NAALADL2: variants seen among roughly 807,000 people sequenced by gnomAD.
NAALADL2 encodes the protein N-acetylated alpha-linked acidic dipeptidase like 2.
Under a neutral mutation model 87.2 loss-of-function variants are expected in NAALADL2, and 76 were observed. The observed-to-expected ratio is 0.87, with a 90% CI of 0.72 to 1.05. The LOEUF (loss-of-function observed/expected upper bound fraction) is 1.05. NAALADL2 is among the 50% of genes least tolerant of loss of function. NAALADL2 has a pLI of 0.00. For synonymous variants in NAALADL2, 354 were observed against 331.0 expected, an observed-to-expected ratio of 1.07 and a Z score of -0.75; for missense variants, 1,089 against 945.8, an observed-to-expected ratio of 1.15 and a Z score of -1.99.
intron 2 of NAALADL2, among the ~76,000 whole-genome samples, chr3:174,700,232 T>C (rs1473552658): frequency 6.6e-6 from 1 of 150,558 alleles, no homozygotes; most frequent in Non-Finnish European, 1.5e-5. Flanking sequence ...TGCCACAGTT[T>C]TTTTTTTTTT....
intron 3 of NAALADL2, among the ~76,000 whole-genome samples, chr3:174,828,727 G>A (rs1260480700): frequency 6.6e-6 from 1 of 152,118 alleles, no homozygotes; most frequent in Admixed American, 6.6e-5. Flanking sequence ...CATCGCTCCT[G>A]AATTTACATG....
chr3:174,631,626 A>T (rs1038646725), intron 2 of NAALADL2, among the ~76,000 whole-genome samples: 3 of 152,236 alleles, frequency 2.0e-5, no homozygotes, highest in Non-Finnish European at 4.4e-5. Flanking sequence ...AGAAATATAG[A>T]AAAACATAAA....
chr3:175,005,129 GC>G (rs1748840420), intron 1 of NAALADL2, among the ~76,000 whole-genome samples: 1 of 152,100 alleles, frequency 6.6e-6, no homozygotes, highest in African/African-American at 2.4e-5. Context: ...TTCACTATAT[GC>G]CCGGCATTGT....
At chr3:174,923,605 T>G (rs1438566288) in intron 1 of NAALADL2, among the ~76,000 whole-genome samples, 1 of 152,202 alleles carries the variant, frequency 6.6e-6, no homozygotes, top group East Asian at 1.9e-4. Context: ...TAAAATAATT[T>G]TCTAAAACAT....
intron 9 of NAALADL2, among the ~76,000 whole-genome samples, chr3:175,500,420 G>T (rs1196857623): frequency 3.3e-5 from 5 of 151,850 alleles, no homozygotes. Flanking sequence ...TAGAAACATG[G>T]ATAAGGGCCT....
chr3:175,707,756 G>T (rs1234259213), intron 11 of NAALADL2, among the ~76,000 whole-genome samples: 1 of 151,964 alleles, frequency 6.6e-6, no homozygotes, highest in Non-Finnish European at 1.5e-5. Flanking sequence ...AAATACTAAA[G>T]TTCAGAAAAT....
chr3:175,345,941 C>A (rs745877038), intron 5 of NAALADL2, among the ~76,000 whole-genome samples: 7 of 152,018 alleles, frequency 4.6e-5, no homozygotes, highest in Non-Finnish European at 1.0e-4. Flanking sequence ...TTTACCCTAC[C>A]CAGAATAGTA....
intron 3 of NAALADL2, among the ~76,000 whole-genome samples, chr3:174,824,690 T>G (rs1721793695): frequency 6.6e-6 from 1 of 152,234 alleles, no homozygotes; most frequent in Non-Finnish European, 1.5e-5. Flanking sequence ...ATTCATTAAG[T>G]GAACCACCTA....
rs1583122797 is a variant in NAALADL2 at position 175,755,072 on chromosome 3, A to T, written c.1991-148A>T. 2.2e-5 allele frequency: 14 copies of T among 626,852 alleles called. No homozygotes were observed. In the South Asian group the frequency reaches 3.4e-4, roughly 15 times the overall value. 38.8% of individuals were successfully genotyped at this position (626,852 alleles called of 1,614,324 possible). ...ACCCTTGCTTTTGTCAAGTGACAAA[A>T]AAAAAGAGAGAGAGAACTGTCAATG... On this transcript the variant is annotated intron_variant, in intron 12 of 13. Coordinates refer to ENST00000454872, the MANE Select transcript of NAALADL2 (RefSeq NM_207015.3).
chr3:175,384,353 C>A (rs1768117404), intron 5 of NAALADL2, among the ~76,000 whole-genome samples: 1 of 152,068 alleles, frequency 6.6e-6, no homozygotes, highest in Non-Finnish European at 1.5e-5. Context: ...ATTTTGTATT[C>A]ATTTGAGGAC....
intron 10 of NAALADL2, among the ~76,000 whole-genome samples, chr3:175,596,654 A>G (rs980379048): frequency 6.6e-6 from 1 of 151,962 alleles, no homozygotes; most frequent in Non-Finnish European, 1.5e-5. Context: ...TGAGATTATT[A>G]CTAATATTAT....
chr3:175,624,538 T>C (rs966433045), intron 10 of NAALADL2, among the ~76,000 whole-genome samples: 3 of 152,000 alleles, frequency 2.0e-5, no homozygotes, highest in Admixed American at 6.6e-5. Flanking sequence ...AAGTGAACCT[T>C]TTATTATTTC....
chr3:175,615,125 G>GA (rs1049476054), intron 10 of NAALADL2, among the ~76,000 whole-genome samples: 29 of 152,224 alleles, frequency 1.9e-4, no homozygotes, highest in African/African-American at 7.0e-4. Context: ...TTAGTTTTAT[G>GA]AAAAAATAAC....
chr3:175,552,602 G>A (rs1358751187), intron 9 of NAALADL2, among the ~76,000 whole-genome samples: 2 of 152,060 alleles, frequency 1.3e-5, no homozygotes, highest in African/African-American at 2.4e-5. Flanking sequence ...TAATATGTGT[G>A]CTCTTGTCAC....
chr3:175,382,038 C>T (rs2148988318), intron 5 of NAALADL2, among the ~76,000 whole-genome samples: 1 of 152,290 alleles, frequency 6.6e-6, no homozygotes, highest in Non-Finnish European at 1.5e-5. Flanking sequence ...GAAATAGAAT[C>T]TTAAACACTC....
At chr3:175,245,737 A>T (rs1191068860) in intron 3 of NAALADL2, among the ~76,000 whole-genome samples, 1 of 152,218 alleles carries the variant, frequency 6.6e-6, no homozygotes, top group East Asian at 1.9e-4. Flanking sequence ...AAAGACAGCA[A>T]AATTGATTGT....
At chr3:175,072,206 G>C (rs368806537) in intron 1 of NAALADL2, among the ~76,000 whole-genome samples, 4 of 152,040 alleles carry the variant, frequency 2.6e-5, no homozygotes, top group African/African-American at 7.2e-5. Context: ...ATTAGGAACT[G>C]GGGAGTCATG....
At chr3:174,778,783 CCATG>C (rs1715561939) in intron 3 of NAALADL2, among the ~76,000 whole-genome samples, 1 of 152,110 alleles carries the variant, frequency 6.6e-6, no homozygotes, top group Non-Finnish European at 1.5e-5. Context: ...CCAGCTTCAC[CCATG>C]CCCCTGCAAA....
intron 2 of NAALADL2, among the ~76,000 whole-genome samples, chr3:174,619,141 A>G (rs1465790727): frequency 6.6e-6 from 1 of 151,956 alleles, no homozygotes; most frequent in Non-Finnish European, 1.5e-5. Flanking sequence ...TTTTACTAAT[A>G]GGAGACAGAT....
Sources: allele counts gnomAD v4.1 joint callset (sites outside exome capture counted in the v4.1 genomes callset), GRCh38; gene constraint gnomAD v4.1.1; transcripts MANE v1.5; gene names NCBI Gene and HGNC (gene_info 2026-07-23, HGNC 2026-07-21).